The following SMC5 variants were observed in gnomAD, a reference collection of about 807,000 sequenced individuals.
The protein encoded by SMC5 is structural maintenance of chromosomes 5.
A neutral mutation model predicts 148.3 loss-of-function variants in SMC5; 88 were observed. The ratio of observed to expected loss-of-function variants is 0.59; its 90% CI spans 0.50 to 0.71. The LOEUF is 0.71. Ranked by LOEUF, SMC5 falls within the 30% of genes least tolerant of loss-of-function variation. The pLI, the probability that SMC5 is intolerant of heterozygous loss-of-function variation, is 0.00. For synonymous variants in SMC5, 421 were observed against 432.8 expected (o/e 0.97, Z 0.34); for missense variants, 1,142 against 1,298.9 (o/e 0.88, Z 1.86).
intron 13 of SMC5, 102 bp from the exon 14 acceptor site, chr9:70,318,412 T>A: frequency 1.0e-6 from 1 of 979,702 alleles, no homozygotes; most frequent in Non-Finnish European, 1.4e-6. Context: ...ATATCTCGTA[T>A]ATTTTGATCT....
At chr9:70,288,573 A>G (rs2034971470) in intron 8 of SMC5, among the ~76,000 whole-genome samples, 1 of 151,900 alleles carries the variant, frequency 6.6e-6, no homozygotes, top group Non-Finnish European at 1.5e-5. Flanking sequence ...CATCTTTCCT[A>G]ATTTTTAATA....
intron 15 of SMC5, among the ~76,000 whole-genome samples, chr9:70,321,215 T>C (rs558113775): frequency 2.6e-5 from 4 of 151,500 alleles, no homozygotes; most frequent in African/African-American, 7.3e-5. Context: ...TGAAAGAGAG[T>C]AATAGGGAAG....
intron 24 of SMC5, among the ~76,000 whole-genome samples, chr9:70,351,377 T>C (rs1186303192): frequency 6.6e-6 from 1 of 152,032 alleles, no homozygotes; most frequent in Non-Finnish European, 1.5e-5. Context: ...AAATTGTTTT[T>C]GCCCATCCTA....
At position 70,354,487 on chromosome 9, in the gene SMC5, A is replaced by G. The variant is rs368685597; in HGVS notation, c.*2156A>G. On this transcript the variant is annotated 3_prime_UTR_variant, in exon 25 of 25. Coordinates refer to ENST00000361138, the MANE Select transcript of SMC5 (RefSeq NM_015110.4). Reference sequence around the variant, plus strand: ...TGATCCACCCGCCTCGGCCTCCCAAAGTGCTGGGATTATAGGCGTGAGCCC... The same window carrying G: ...TGATCCACCCGCCTCGGCCTCCCAAGGTGCTGGGATTATAGGCGTGAGCCC... 28 of 152,306 alleles carry G rather than the reference A, an allele frequency of 1.8e-4. No homozygotes were observed. Among genetic ancestry groups the G allele is most frequent in the African/African-American group, 6.5e-4 (27 of 41,550 alleles). The allele number at this position is 152,306 out of a possible 1,614,324, so 9.4% of individuals were successfully genotyped here. A position where few individuals can be genotyped will look rare whatever the true frequency, so the allele number is the denominator to read the frequency against.
intron 17 of SMC5, among the ~76,000 whole-genome samples, chr9:70,341,646 A>G (rs574112134): frequency 2.0e-5 from 3 of 152,284 alleles, no homozygotes; most frequent in East Asian, 1.9e-4. Context: ...TTTATTTGCT[A>G]TCAAACCCAT....
intron 8 of SMC5, among the ~76,000 whole-genome samples, chr9:70,289,708 A>G (rs1231854959): frequency 6.6e-6 from 1 of 151,776 alleles, no homozygotes; most frequent in African/African-American, 2.4e-5. Context: ...ATTTAGTCCT[A>G]TTCTAGTGAT....
At chr9:70,259,380 C>T in intron 1 of SMC5, 117 bp downstream of exon 1, 2 of 1,089,784 alleles carry the variant, frequency 1.8e-6, no homozygotes, top group Non-Finnish European at 2.6e-6. Flanking sequence ...TGGGTCTGGC[C>T]TTGAATTCGT....
At position 70,344,198 on chromosome 9, in the gene SMC5, G is replaced by A. The variant is rs2036602491; in HGVS notation, c.2452G>A (p.Glu818Lys). 6.4e-7 allele frequency: 1 copy of A among 1,561,136 alleles called. No individual in the cohort carries two copies. Among genetic ancestry groups the A allele is most frequent in the Non-Finnish European group, 8.7e-7 (1 of 1,151,966 alleles). The change falls in exon 18 of 25, where the codon GAA becomes AAA. Residue 818 changes from glutamate (E) to lysine (K), a missense_variant. Physicochemically the swap from Glu to Lys is moderately conservative, Grantham distance 56 (BLOSUM62 1). Around this residue, in one of 5 missense-constraint regions of SMC5, gnomAD observed 743 missense variants for 835.7 expected, o/e 0.89. Coordinates refer to ENST00000361138, the MANE Select transcript of SMC5 (RefSeq NM_015110.4). Reference sequence around the variant, plus strand: ...ACAGAGATTATTGCAGAAATGCAAGGAACTTATGAAAAGAGCTAGGCAAGT... The same window carrying A: ...ACAGAGATTATTGCAGAAATGCAAGAAACTTATGAAAAGAGCTAGGCAAGT... ...NRQRLLQKCK[E>K]LMKRARQVCN...
In SMC5 at chr9:70,260,442, G is replaced by A. The variant is rs538768790; in HGVS notation, c.185+1179G>A. On this transcript the variant is annotated intron_variant, in intron 1 of 24. Transcript: ENST00000361138. ...TTAAAGCTTGCACATAGTGGCATAA[G>A]GATAACAGAATTGTAATAACAATAC... 2.0e-5 allele frequency among the ~76,000 whole-genome samples: 3 copies of A among 152,194 alleles called. No individual in the cohort carries two copies. The East Asian group carries it at 5.8e-4, about 29-fold the overall frequency.
intron 11 of SMC5, among the ~76,000 whole-genome samples, chr9:70,308,590 C>CAAAAAAAAA (rs59441324): frequency 1.4e-5 from 1 of 72,238 alleles, no homozygotes; most frequent in Non-Finnish European, 2.6e-5. Context: ...GACTCTGTCT[C>CAAAAAAAAA]AAAAAAAAAA....
intron 21 of SMC5, 47 bp downstream of exon 21, chr9:70,347,764 A>G: frequency 7.6e-7 from 1 of 1,312,574 alleles, no homozygotes; most frequent in Non-Finnish European, 1.1e-6. Context: ...TATTAATGAA[A>G]TGGGAATGTA....
Position 70,347,714 on chromosome 9 carries a change from A to C in SMC5, c.2766A>C (p.Ser922=), listed in dbSNP as rs371030507. Residue 922 remains serine (S), a synonymous_variant, in exon 21 of 25, where the codon TCA becomes TCC. Coordinates refer to ENST00000361138, the MANE Select transcript of SMC5 (RefSeq NM_015110.4). ...TAGATCAATACAGGGAAAACATTTC[A>C]CAGGTAATTTTTTAGTTTTTAATCT... ...VELDQYRENI[S]QVKERWLNPL... 540 of 1,534,462 alleles carry C rather than the reference A, an allele frequency of 3.5e-4. 4 individuals carry two copies. The South Asian group carries it at 6.2e-3, about 18-fold the overall frequency.
chr9:70,320,260 A>G (rs2035909568), intron 15 of SMC5, among the ~76,000 whole-genome samples: 1 of 152,194 alleles, frequency 6.6e-6, no homozygotes, highest in Admixed American at 6.5e-5. Flanking sequence ...CCAACCACAG[A>G]TCAAAAATAT....
intron 8 of SMC5, among the ~76,000 whole-genome samples, chr9:70,287,286 TCTTA>T (rs1377833466): frequency 6.6e-6 from 1 of 152,186 alleles, no homozygotes; most frequent in Non-Finnish European, 1.5e-5. Flanking sequence ...TTGTTTCTTT[TCTTA>T]CTTTGGTTTC....
rs148724557 is a variant in SMC5, at chr9:70,334,418, A to C, written c.2398-9726A>C. ...GAGAAAAAGAATCATTGCATTCATC[A>C]AAATGAACAACTTTTGTTTTCGGTA... On this transcript the variant is annotated intron_variant, in intron 17 of 24. Transcript: ENST00000361138. 2.4e-4 allele frequency among the ~76,000 whole-genome samples: 36 copies of C among 152,320 alleles called. No individual in the cohort carries two copies. In the East Asian group the frequency reaches 6.4e-3, roughly 27 times the overall value.
At chr9:70,287,333 C>T (rs2034932585) in intron 8 of SMC5, among the ~76,000 whole-genome samples, 1 of 151,896 alleles carries the variant, frequency 6.6e-6, no homozygotes, top group Non-Finnish European at 1.5e-5. Flanking sequence ...CCTTGCTTAT[C>T]TGAGAATCTT....
intron 14 of SMC5, 44 bp downstream of exon 14, chr9:70,318,731 A>T: frequency 2.6e-6 from 4 of 1,559,116 alleles, no homozygotes; most frequent in Non-Finnish European, 1.7e-6. Flanking sequence ...TATTAACTGG[A>T]TTTCTAATAG....
intron 17 of SMC5, among the ~76,000 whole-genome samples, chr9:70,330,125 C>A (rs936860040): frequency 6.6e-5 from 10 of 152,088 alleles, no homozygotes; most frequent in African/African-American, 1.2e-4. Context: ...CAGAGCCAAA[C>A]CATATCAAAT....
At chr9:70,266,711 G>A (rs1446550467) in intron 2 of SMC5, among the ~76,000 whole-genome samples, 1 of 152,144 alleles carries the variant, frequency 6.6e-6, no homozygotes, top group East Asian at 1.9e-4. Flanking sequence ...AATATTTAAT[G>A]TATTTTTGTT....
Sources: gnomAD v4.1 joint callset for allele counts (sites outside exome capture counted in the v4.1 genomes callset) on GRCh38, gnomAD v4.1.1 for gene constraint, gnomAD v4.1.1 regional missense constraint, MANE v1.5 for transcripts, NCBI Gene and HGNC (gene_info 2026-07-23, HGNC 2026-07-21) for gene names.